The following GLT8D2 variants were observed in gnomAD, a reference collection of about 807,000 sequenced individuals.
GLT8D2 encodes glycosyltransferase 8 domain-containing protein 2.
GLT8D2 carries 45 observed loss-of-function variants against 44.5 expected under a neutral mutation model. The ratio of observed to expected loss-of-function variants is 1.01; its 90% CI spans 0.80 to 1.30. The LOEUF is 1.30. Among genes scored for constraint, GLT8D2 ranks in the 50% most tolerant of loss-of-function variants. GLT8D2 has a pLI of 0.00. For synonymous variants in GLT8D2, 156 were observed against 157.2 expected (o/e 0.99, Z 0.06); for missense variants, 400 against 430.4 (o/e 0.93, Z 0.62).
chr12:104,003,149 A>G lies in GLT8D2; in HGVS notation c.270T>C (p.Thr90=), dbSNP rs375611093. 3.7e-6 allele frequency: 6 copies of G among 1,614,020 alleles called. No individual in the cohort carries two copies. The highest frequency in any genetic ancestry group is 5.1e-6 in the Non-Finnish European group (6 of 1,179,898). Residue 90 remains threonine, a synonymous_variant, in exon 5 of 11, where the codon ACT becomes ACC. Coordinates refer to ENST00000360814, the MANE Select transcript of GLT8D2 (RefSeq NM_001384711.1). ...ACATAACTTACCGTATTCGAGTCAG[A>G]GTATTCCGGAGTCCCACTACATAGA... ...ILFYVVGLRN[T]LTRIRKWIEH...
intron 1 of GLT8D2, among the ~76,000 whole-genome samples, chr12:104,038,561 T>C (rs1880177767): frequency 6.6e-6 from 1 of 151,980 alleles, no homozygotes; most frequent in Admixed American, 6.5e-5. Flanking sequence ...TCAAAGAGAA[T>C]AAAATACCTA....
chr12:104,035,088 G>A (rs1168405837), intron 1 of GLT8D2, among the ~76,000 whole-genome samples: 6 of 152,160 alleles, frequency 3.9e-5, no homozygotes, highest in Admixed American at 1.3e-4. Context: ...ACTGTTAGAA[G>A]GAAAACTAAC....
intron 4 of GLT8D2, among the ~76,000 whole-genome samples, chr12:104,013,991 G>A (rs114044835): frequency 0.038 from 5,746 of 152,190 alleles, 188 homozygotes; most frequent in South Asian, 0.095. Context: ...TGATCCTCCC[G>A]CCTCAGCCTC....
intron 4 of GLT8D2, among the ~76,000 whole-genome samples, chr12:104,007,042 T>C (rs182994995): frequency 1.7e-4 from 26 of 152,276 alleles, no homozygotes; most frequent in African/African-American, 5.1e-4. Context: ...AGGAGGTAAA[T>C]GAAAGAACAT....
intron 4 of GLT8D2, among the ~76,000 whole-genome samples, chr12:104,004,814 A>G (rs1395222797): frequency 1.3e-5 from 2 of 152,200 alleles, no homozygotes; most frequent in Admixed American, 6.5e-5. Flanking sequence ...GCCCAAGGTA[A>G]TTTATAGATT....
intron 1 of GLT8D2, among the ~76,000 whole-genome samples, chr12:104,058,785 A>G (rs576286878): frequency 3.9e-5 from 6 of 152,212 alleles, no homozygotes; most frequent in Non-Finnish European, 7.3e-5. Context: ...CTTCTCTAAC[A>G]TATGCCTAAA....
intron 1 of GLT8D2, among the ~76,000 whole-genome samples, chr12:104,060,215 A>G (rs1348925748): frequency 6.6e-6 from 1 of 151,664 alleles, no homozygotes; most frequent in African/African-American, 2.4e-5. Flanking sequence ...CTGGCTACCT[A>G]TTCTCTATTT....
At chr12:104,040,425 A>T (rs1362824973) in intron 1 of GLT8D2, among the ~76,000 whole-genome samples, 1 of 152,184 alleles carries the variant, frequency 6.6e-6, no homozygotes, top group East Asian at 1.9e-4. Context: ...AATTGAAAAA[A>T]AAATGTTTTT....
intron 1 of GLT8D2, among the ~76,000 whole-genome samples, chr12:104,055,437 G>A (rs535967786): frequency 1.3e-5 from 2 of 152,338 alleles, no homozygotes; most frequent in African/African-American, 4.8e-5. Flanking sequence ...AAAGATGGCA[G>A]AGAATCACCA....
rs546003078 is a variant in GLT8D2, at chr12:104,049,231, C to T, written c.-164+664G>A. Among the ~76,000 whole-genome samples, 9 of 148,888 alleles carry T rather than the reference C, an allele frequency of 6.0e-5. No homozygotes were observed. In the South Asian group the frequency reaches 1.9e-3, roughly 32 times the overall value. On this transcript the variant is annotated intron_variant, in intron 1 of 10. Coordinates refer to ENST00000360814, the MANE Select transcript of GLT8D2 (RefSeq NM_001384711.1). Reference sequence around the variant, plus strand: ...AGACATTCAGATATCATCATGTTTTCTTTCTCTCACTCTCTCTCAGGTTTT... The same window carrying T: ...AGACATTCAGATATCATCATGTTTTTTTTCTCTCACTCTCTCTCAGGTTTT...
rs1286605152 is a variant in GLT8D2 at position 104,031,629 on chromosome 12, G to A, written c.-163-10138C>T. 4 of 1,356,612 alleles carry A rather than the reference G, an allele frequency of 2.9e-6. No homozygotes were observed. In the African/African-American group the frequency reaches 4.4e-5, roughly 15 times the overall value. 84.0% of individuals were successfully genotyped at this position (1,356,612 alleles called of 1,614,324 possible). ...CCCTCCCACCTGCACATGTCACACT[G>A]ACCACATCTGTAGACATCTTGAGTT... is the stretch of plus-strand genomic sequence containing the variant. On this transcript the variant is annotated intron_variant, in intron 1 of 10. Coordinates refer to ENST00000360814, the MANE Select transcript of GLT8D2 (RefSeq NM_001384711.1).
chr12:104,054,789 T>C (rs936978865), upstream of GLT8D2, among the ~76,000 whole-genome samples: 1 of 152,056 alleles, frequency 6.6e-6, no homozygotes, highest in Non-Finnish European at 1.5e-5. Flanking sequence ...AAATCCAACC[T>C]TGAAGCTTGC....
intron 1 of GLT8D2, among the ~76,000 whole-genome samples, chr12:104,043,912 G>A (rs1880824371): frequency 6.6e-6 from 1 of 152,156 alleles, no homozygotes; most frequent in African/African-American, 2.4e-5. Context: ...CACCTTCTGT[G>A]GCTCCACCCT....
At chr12:104,002,210 T>C (rs1874312927) in intron 5 of GLT8D2, among the ~76,000 whole-genome samples, 1 of 152,212 alleles carries the variant, frequency 6.6e-6, no homozygotes, top group African/African-American at 2.4e-5. Context: ...CCTTTTTCCT[T>C]GGCTTCCCAA....
chr12:104,022,115 A>G (rs979462036), intron 1 of GLT8D2, among the ~76,000 whole-genome samples: 2 of 151,966 alleles, frequency 1.3e-5, no homozygotes, highest in African/African-American at 4.8e-5. Flanking sequence ...AAAAGAAAAA[A>G]AGAAAAACTG....
chr12:104,057,951 G>C (rs1015896012), intron 1 of GLT8D2, among the ~76,000 whole-genome samples: 14 of 152,172 alleles, frequency 9.2e-5, no homozygotes, highest in African/African-American at 3.4e-4. Context: ...CAGTAGTTTG[G>C]GAAGGCTAGC....
chr12:104,023,181 C>T (rs1279992336), intron 1 of GLT8D2, among the ~76,000 whole-genome samples: 9 of 152,064 alleles, frequency 5.9e-5, no homozygotes, highest in Non-Finnish European at 5.9e-5. Context: ...AGCTAATGCA[C>T]GTGGGGCTTA....
Position 103,993,463 on chromosome 12 carries a change from G to T in GLT8D2, c.809C>A (p.Thr270Asn), listed in dbSNP as rs1873025684. ...YSSSLGGGVA[T>N]SPMLIVFHGK... ...ATGAAACACAATCAGCATTGGGGAG[G>T]TGGCCACCCCTCCTCCCAGGGAGCT... The change falls in exon 10 of 11, where the codon ACC (threonine) becomes AAC (asparagine). Residue 270 changes from threonine to asparagine, a missense_variant. Physicochemically the swap from Thr to Asn is moderately conservative, Grantham distance 65 (BLOSUM62 0). Transcript: ENST00000360814. 6.8e-6 allele frequency: 11 copies of T among 1,612,514 alleles called. No individual in the cohort carries two copies. The East Asian group carries it at 2.5e-4, about 36-fold the overall frequency.
Position 103,997,453 on chromosome 12 carries a change from T to C in GLT8D2, c.485A>G (p.Gln162Arg), listed in dbSNP as rs1593529303. 1 of 1,607,952 alleles carries C rather than the reference T, an allele frequency of 6.2e-7. No homozygotes were observed. The highest frequency in any genetic ancestry group is 2.2e-5 in the East Asian group (1 of 44,856). The change falls in exon 7 of 11, where the codon CAA (glutamine) becomes CGA (arginine). Residue 162 changes from glutamine to arginine, a missense_variant and splice_region_variant. Gln to Arg is a conservative substitution (Grantham distance 43). Transcript: ENST00000360814. ...TTCTTGGCAGTTAGCGAGAGTACCT[T>C]GTACAATTACATCATCGTCCAAATA... The part of the protein sequence containing the change: ...VIYLDDDVIV[Q>R]GDIQELYDTT...
Sources: gnomAD v4.1 joint callset for allele counts (sites outside exome capture counted in the v4.1 genomes callset) on GRCh38, gnomAD v4.1.1 for gene constraint, MANE v1.5 for transcripts, NCBI Gene and HGNC (gene_info 2026-07-23, HGNC 2026-07-21) for gene names.